Variants in CHORDC1 observed in about 807,000 individuals in gnomAD.
CHORDC1 encodes cysteine and histidine-rich domain-containing protein 1.
CHORDC1 carries 25 observed loss-of-function variants against 48.3 expected under a neutral mutation model. The ratio of observed to expected loss-of-function variants is 0.52; its 90% confidence interval spans 0.38 to 0.72. CHORDC1 has a LOEUF of 0.72. Ranked by LOEUF, CHORDC1 falls within the 30% of genes least tolerant of loss-of-function variation. The probability of loss-of-function intolerance (pLI) is 0.00; values close to 1 mark genes in which losing one functional copy is unlikely to be tolerated. For missense variants in CHORDC1, 317 were observed against 388.7 expected (o/e 0.82, Z 1.55); for synonymous variants, 128 against 126.4 (o/e 1.01, Z -0.09).
chr11:90,202,774 T>C (rs1286445353), intron 10 of CHORDC1, 39 bp downstream of exon 10: 1 of 1,552,828 alleles, frequency 6.4e-7, no homozygotes, highest in Non-Finnish European at 8.7e-7. Flanking sequence ...ATGATCTAAG[T>C]TATCAGAAAA....
chr11:90,218,071 G>T lies in CHORDC1; in HGVS notation c.114+64C>A, dbSNP rs569488319. The stretch of plus-strand genomic sequence containing the variant: ...TGAGAAAAAAAGATGAGAAAATAAA[G>T]ATTTAGTATTACATCTCTCAATTTA... On this transcript the variant is annotated intron_variant, in intron 2 of 10. Transcript: ENST00000320585. 8 of 1,174,014 alleles carry T rather than the reference G, an allele frequency of 6.8e-6. No individual in the cohort carries two copies. The African/African-American group carries it at 1.3e-4, about 19-fold the overall frequency. The allele number at this position is 1,174,014 out of a possible 1,614,324, so 72.7% of individuals were successfully genotyped here.
intron 6 of CHORDC1, chr11:90,207,783 A>AAAAAAAC (rs1857742350): frequency 6.7e-6 from 1 of 150,218 alleles, no homozygotes; most frequent in African/African-American, 2.4e-5. Context: ...AAAAAACAAA[A>AAAAAAAC]AAAACTCGTA....
chr11:90,203,489 A>C, intron 8 of CHORDC1, 62 bp from the exon 9 acceptor site: 2 of 1,462,532 alleles, frequency 1.4e-6, no homozygotes, highest in Non-Finnish European at 1.8e-6. Flanking sequence ...TCTTAAAAAG[A>C]GGAATTTGAC....
In CHORDC1 at chr11:90,222,887, T is replaced by C; in HGVS notation, c.64+4A>G. On this transcript the variant is annotated splice_donor_region_variant and intron_variant, in intron 1 of 10. Coordinates refer to ENST00000320585, the MANE Select transcript of CHORDC1 (RefSeq NM_012124.3). ...AGGGAGGGCTGGCGGCGCGTTCCTC[T>C]TACCGTCGGAATTGGTCTCAGGATC... The C allele has an allele frequency of 6.2e-7, 1 of 1,613,764 alleles. No homozygotes were observed. The highest frequency in any genetic ancestry group is 8.5e-7 in the Non-Finnish European group (1 of 1,179,726).
chr11:90,221,414 G>T (rs772716642), intron 1 of CHORDC1, among the ~76,000 whole-genome samples: 6 of 152,118 alleles, frequency 3.9e-5, no homozygotes, highest in Non-Finnish European at 8.8e-5. Flanking sequence ...TAGTACTGCT[G>T]ACCACCCAAG....
At chr11:90,203,791 A>G (rs1389683893) in intron 8 of CHORDC1, among the ~76,000 whole-genome samples, 1 of 140,632 alleles carries the variant, frequency 7.1e-6, no homozygotes, top group Non-Finnish European at 1.7e-5. Context: ...TGAAGACTGA[A>G]ATGAAAGACA....
chr11:90,202,689 G>C lies in CHORDC1; in HGVS notation c.852+124C>G. Reference sequence around the variant, plus strand: ...TTTTATATCTAGTCTTAAACTTTTTGGTAGGATACACTGTTAAGTTATACA... The same window carrying C: ...TTTTATATCTAGTCTTAAACTTTTTCGTAGGATACACTGTTAAGTTATACA... On this transcript the variant is annotated intron_variant, in intron 10 of 10. Transcript: ENST00000320585. 2.2e-6 allele frequency: 3 copies of C among 1,377,204 alleles called. No homozygotes were observed. The Admixed American group carries it at 7.8e-5, about 36-fold the overall frequency. 85.3% of individuals were successfully genotyped at this position (1,377,204 alleles called of 1,614,324 possible).
chr11:90,208,873 G>A (rs1013884343), intron 6 of CHORDC1: 2 of 152,100 alleles, frequency 1.3e-5, no homozygotes, highest in Non-Finnish European at 1.5e-5. Context: ...ACACTCTAAC[G>A]TACAATCTAA....
rs116877107 is a variant in CHORDC1, at chr11:90,215,278, A to G, written c.115-48T>C. On this transcript the variant is annotated intron_variant, in intron 2 of 10. Transcript: ENST00000320585. The stretch of plus-strand genomic sequence containing the variant: ...ACTAAAAACTCTATTTGCATGAGAA[A>G]CACGACCCACTAAAACACTCTACTT... The G allele has an allele frequency of 7.4e-5, 95 of 1,278,594 alleles. 1 individual carries two copies. In the East Asian group the frequency reaches 2.3e-3, roughly 31 times the overall value. The allele number at this position is 1,278,594 out of a possible 1,614,324, so 79.2% of individuals were successfully genotyped here. A position where few individuals can be genotyped will look rare whatever the true frequency, so the allele number is the denominator to read the frequency against.
intron 9 of CHORDC1, 61 bp downstream of exon 9, chr11:90,203,246 CA>C (rs1857584932): frequency 2.1e-6 from 3 of 1,410,822 alleles, no homozygotes; most frequent in Non-Finnish European, 2.9e-6. Flanking sequence ...CTTTAAAATA[CA>C]GTAACATAAA....
At chr11:90,206,911 T>C (rs1468664643) in intron 6 of CHORDC1, 29 of 443,680 alleles carry the variant, frequency 6.5e-5, no homozygotes. Flanking sequence ...AAACAGAAAA[T>C]AAAATTCTGT....
intron 1 of CHORDC1, among the ~76,000 whole-genome samples, chr11:90,221,305 TTCAC>T (rs796425476): frequency 3.9e-4 from 59 of 152,322 alleles, no homozygotes; most frequent in African/African-American, 1.4e-3. Flanking sequence ...TCTCCTTCCA[TTCAC>T]TCAATCAGTT....
chr11:90,211,365 T>C (rs1857855498), intron 4 of CHORDC1, 47 bp from the exon 5 acceptor site: 1 of 1,217,366 alleles, frequency 8.2e-7, no homozygotes, highest in Non-Finnish European at 1.2e-6. Flanking sequence ...TACCAAAATA[T>C]TTCTTTGTAC....
Position 90,206,274 on chromosome 11 carries a change from T to TA in CHORDC1, c.493-3dup, listed in dbSNP as rs1857682410. ...TAGACTCTCTAGACCCTGGTATGTCTAAAAAGGAAACAAAGAGAAAAAAAA... is the reference window on the plus strand; with the variant it reads ...TAGACTCTCTAGACCCTGGTATGTCTAAAAAAGGAAACAAAGAGAAAAAAAA... On this transcript the variant is annotated splice_region_variant and splice_polypyrimidine_tract_variant and intron_variant, in intron 6 of 10. Coordinates refer to ENST00000320585, the MANE Select transcript of CHORDC1 (RefSeq NM_012124.3). 2.6e-6 allele frequency: 4 copies of TA among 1,520,578 alleles called. No homozygotes were observed. The highest frequency in any genetic ancestry group is 3.6e-6 in the Non-Finnish European group (4 of 1,097,218). 94.2% of individuals were successfully genotyped at this position (1,520,578 alleles called of 1,614,324 possible).
At chr11:90,217,382 T>C (rs1053205482) in intron 2 of CHORDC1, among the ~76,000 whole-genome samples, 1 of 152,198 alleles carries the variant, frequency 6.6e-6, no homozygotes, top group Non-Finnish European at 1.5e-5. Context: ...CATACTATCA[T>C]GAATTTTAAA....
chr11:90,210,469 G>T, intron 6 of CHORDC1, 67 bp downstream of exon 6: 2 of 967,540 alleles, frequency 2.1e-6, no homozygotes, highest in South Asian at 1.4e-5. Context: ...AATTGAGTCA[G>T]CAAACTGCAC....
At chr11:90,205,633 G>T in intron 7 of CHORDC1, 68 bp from the exon 8 acceptor site, 1 of 985,390 alleles carries the variant, frequency 1.0e-6, no homozygotes, top group Non-Finnish European at 1.6e-6. Flanking sequence ...AAGTATTTTA[G>T]GGATAAATCT....
At position 90,215,223 on chromosome 11, in the gene CHORDC1, G is replaced by T; in HGVS notation, c.122C>A (p.Ser41Tyr). The stretch of plus-strand genomic sequence containing the variant: ...ATCAGTTGTTCTTCTCTTACAGCAA[G>T]ACCAACCCTATGAAAAACAAGAGAA... ...PVFHDALKGWSCCKRRTTDFS... is the reference protein window; with the variant it reads ...PVFHDALKGWYCCKRRTTDFS... The change falls in exon 3 of 11, where the codon TCT becomes TAT. Residue 41 changes from serine (S) to tyrosine (Y), a missense_variant. Coordinates refer to ENST00000320585, the MANE Select transcript of CHORDC1 (RefSeq NM_012124.3). 1 of 1,559,000 alleles carries T rather than the reference G, an allele frequency of 6.4e-7. No homozygotes were observed. Among genetic ancestry groups the T allele is most frequent in the South Asian group, 1.2e-5 (1 of 84,162 alleles).
At chr11:90,215,083 A>T in intron 3 of CHORDC1, 91 bp downstream of exon 3, 1 of 676,306 alleles carries the variant, frequency 1.5e-6, no homozygotes, top group Non-Finnish European at 2.4e-6. Flanking sequence ...AGACCAATCA[A>T]TCTATATCAG....
Sources: gnomAD v4.1 joint callset for allele counts (sites outside exome capture counted in the v4.1 genomes callset) on GRCh38, gnomAD v4.1.1 for gene constraint, MANE v1.5 for transcripts, NCBI Gene and HGNC (gene_info 2026-07-23, HGNC 2026-07-21) for gene names.